The following SSBP3 variants were observed in gnomAD, a reference collection of about 807,000 sequenced individuals.
SSBP3 encodes single stranded DNA binding protein 3.
Under a neutral mutation model 69.6 loss-of-function variants are expected in SSBP3, and 5 were observed. The observed-to-expected ratio is 0.07, with a 90% CI of 0.04 to 0.15. SSBP3 has a LOEUF of 0.15. SSBP3 is among the 10% of genes least tolerant of loss of function. The pLI, the probability that SSBP3 is intolerant of heterozygous loss-of-function variation, is 1.00. For missense variants in SSBP3, 312 were observed against 534.0 expected (o/e 0.58, Z 4.10); for synonymous variants, 196 against 193.4 (o/e 1.01, Z -0.11).
intron 4 of SSBP3, among the ~76,000 whole-genome samples, chr1:54,375,880 C>A (rs552376464): frequency 1.2e-4 from 18 of 152,274 alleles, no homozygotes; most frequent in African/African-American, 3.4e-4. Context: ...CAGCCCAGTG[C>A]CATCCGCTGC....
At chr1:54,276,081 A>C (rs1645278290) in intron 5 of SSBP3, among the ~76,000 whole-genome samples, 1 of 152,158 alleles carries the variant, frequency 6.6e-6, no homozygotes, top group Admixed American at 6.5e-5. Context: ...GGCTGGCAGG[A>C]ATGAGGACTC....
In SSBP3 at chr1:54,381,620, A is replaced by T. The variant is rs193066238; in HGVS notation, c.276+20241T>A. ...CCCACCTCGGTGGGGCACCTTGCCG[A>T]GGCCCTCAAATGACTTGGCTCAACC... On this transcript the variant is annotated intron_variant, in intron 4 of 17. Transcript: ENST00000610401. Among the ~76,000 whole-genome samples, 30 of 152,248 alleles carry T rather than the reference A, an allele frequency of 2.0e-4. No homozygotes were observed. In the East Asian group the frequency reaches 5.8e-3, roughly 29 times the overall value.
chr1:54,316,658 AAT>A (rs554322512), intron 4 of SSBP3, among the ~76,000 whole-genome samples: 3,654 of 50,046 alleles, frequency 0.073, 703 homozygotes, highest in African/African-American at 0.28. Flanking sequence ...AAAAAAAAAA[AAT>A]AAAATAAATA....
At chr1:54,331,054 A>C (rs1002419261) in intron 4 of SSBP3, among the ~76,000 whole-genome samples, 1 of 152,260 alleles carries the variant, frequency 6.6e-6, no homozygotes, top group Non-Finnish European at 1.5e-5. Context: ...TAGTACACAG[A>C]AAGCCCTTCA....
At chr1:54,276,365 C>A (rs1474690190) in intron 5 of SSBP3, among the ~76,000 whole-genome samples, 2 of 152,050 alleles carry the variant, frequency 1.3e-5, no homozygotes, top group Non-Finnish European at 2.9e-5. Flanking sequence ...GTAATCCCAG[C>A]CTGAGGAGGC....
intron 4 of SSBP3, among the ~76,000 whole-genome samples, chr1:54,357,933 C>T (rs754220338): frequency 7.2e-5 from 11 of 152,182 alleles, no homozygotes; most frequent in Non-Finnish European, 1.3e-4. Flanking sequence ...GATGGACAAA[C>T]AGCACTTCCA....
intron 4 of SSBP3, among the ~76,000 whole-genome samples, chr1:54,362,598 A>G (rs1013463289): frequency 6.6e-6 from 1 of 152,190 alleles, no homozygotes; most frequent in Non-Finnish European, 1.5e-5. Flanking sequence ...TAGGCGCAAG[A>G]TATTAGACCA....
chr1:54,237,196 T>C (rs3766453), intron 14 of SSBP3: 33,263 of 152,170 alleles, frequency 0.22, 3,881 homozygotes, highest in South Asian at 0.5. Flanking sequence ...GCACGAATGC[T>C]GGAAGGATCA....
chr1:54,386,873 CCAAG>C (rs1648127003), intron 4 of SSBP3, among the ~76,000 whole-genome samples: 1 of 151,458 alleles, frequency 6.6e-6, no homozygotes, highest in Non-Finnish European at 1.5e-5. Flanking sequence ...CATCTTCCTC[CCAAG>C]CAAGAGGCCT....
intron 4 of SSBP3, among the ~76,000 whole-genome samples, chr1:54,332,823 A>G (rs1419532432): frequency 6.6e-6 from 1 of 152,204 alleles, no homozygotes; most frequent in Non-Finnish European, 1.5e-5. Context: ...AGCGCATCAG[A>G]GAGTCAGATT....
intron 4 of SSBP3, among the ~76,000 whole-genome samples, chr1:54,401,385 C>A (rs1195248212): frequency 6.6e-6 from 1 of 150,576 alleles, no homozygotes; most frequent in African/African-American, 2.5e-5. Flanking sequence ...CAAACACACA[C>A]ACACACACAC....
At chr1:54,361,879 G>A (rs1399749136) in intron 4 of SSBP3, among the ~76,000 whole-genome samples, 2 of 152,180 alleles carry the variant, frequency 1.3e-5, no homozygotes, top group African/African-American at 2.4e-5. Context: ...CTGACTGGGA[G>A]GTGTTGTCAT....
intron 5 of SSBP3, among the ~76,000 whole-genome samples, chr1:54,265,321 T>G (rs1054769663): frequency 4.6e-5 from 7 of 151,998 alleles, no homozygotes; most frequent in Admixed American, 2.6e-4. Flanking sequence ...GGTGTGTGTG[T>G]GTTATGTAGG....
exon 10 of SSBP3, chr1:54,243,250 A>G: frequency 6.2e-7 from 1 of 1,600,044 alleles, no homozygotes; most frequent in Non-Finnish European, 8.5e-7. Flanking sequence ...AATCCCGGGC[A>G]TGGCGGGGCC....
chr1:54,367,712 A>C (rs1049862831), intron 4 of SSBP3, among the ~76,000 whole-genome samples: 3 of 152,194 alleles, frequency 2.0e-5, no homozygotes, highest in Non-Finnish European at 4.4e-5. Context: ...AACACTAGGA[A>C]GTAAAACTCA....
At chr1:54,335,392 A>G (rs533342110) in intron 4 of SSBP3, among the ~76,000 whole-genome samples, 15 of 152,324 alleles carry the variant, frequency 9.8e-5, no homozygotes, top group African/African-American at 3.6e-4. Flanking sequence ...GCACTTGTGC[A>G]TAAGTGTGCA....
chr1:54,238,418 G>A (rs1181405492), intron 14 of SSBP3: 1 of 430,164 alleles, frequency 2.3e-6, no homozygotes, highest in Non-Finnish European at 4.9e-6. Flanking sequence ...CCTGCATGGA[G>A]GAGGAAGGGA....
intron 13 of SSBP3, among the ~76,000 whole-genome samples, chr1:54,240,229 C>T (rs534703779): frequency 4.6e-5 from 7 of 151,680 alleles, no homozygotes; most frequent in African/African-American, 7.2e-5. Context: ...GAGGCTGAGG[C>T]GGGTGGATCA....
At chr1:54,284,549 C>A (rs1013825046) in intron 4 of SSBP3, among the ~76,000 whole-genome samples, 11 of 152,052 alleles carry the variant, frequency 7.2e-5, no homozygotes, top group African/African-American at 2.4e-4. Flanking sequence ...CTTACTATGG[C>A]CCCAAACTCC....
Sources: gnomAD v4.1 joint callset for allele counts (sites outside exome capture counted in the v4.1 genomes callset) on GRCh38, gnomAD v4.1.1 for gene constraint, MANE v1.5 for transcripts, NCBI Gene and HGNC (gene_info 2026-07-23, HGNC 2026-07-21) for gene names.